KLF8: variants seen among roughly 807,000 people sequenced by gnomAD.
The protein encoded by KLF8 is Krueppel-like factor 8.
In KLF8, 10 loss-of-function variants were observed where a neutral mutation model predicts 18.2. That is an observed-to-expected ratio of 0.55 (90% confidence interval 0.34 to 0.93). The LOEUF (loss-of-function observed/expected upper bound fraction) is 0.93. Among genes scored for constraint, KLF8 ranks in the 40% least tolerant of loss-of-function variants. The pLI is 0.02. For synonymous variants in KLF8, 109 were observed against 97.3 expected, an observed-to-expected ratio of 1.12 and a Z score of -0.71; for missense variants, 264 against 277.9, an observed-to-expected ratio of 0.95 and a Z score of 0.36.
At chrX:56,036,210 A>G in the KLF8 span, among the ~76,000 whole-genome samples, 1 of 111,867 alleles carries the variant, frequency 8.9e-6, no homozygotes, top group African/African-American at 3.2e-5. Flanking sequence ...CATATTTATC[A>G]TCTCATCTAT....
chrX:55,920,072 G>A, the KLF8 span, among the ~76,000 whole-genome samples: 2 of 112,239 alleles, frequency 1.8e-5, no homozygotes, highest in Admixed American at 1.9e-4. Flanking sequence ...AAGACCTGAA[G>A]ATGAATCATA....
chrX:55,980,679 G>A, the KLF8 span, among the ~76,000 whole-genome samples: 1 of 112,021 alleles, frequency 8.9e-6, no homozygotes, highest in Non-Finnish European at 1.9e-5. Context: ...TGGGCTAAGA[G>A]ACATGGTTAA....
the KLF8 span, among the ~76,000 whole-genome samples, chrX:56,171,663 G>A: frequency 9.0e-6 from 1 of 111,435 alleles, no homozygotes; most frequent in Non-Finnish European, 1.9e-5. Flanking sequence ...CAGAATGATG[G>A]TTTCCAGCTT....
chrX:56,124,634 A>T, the KLF8 span, among the ~76,000 whole-genome samples: 8 of 111,741 alleles, frequency 7.2e-5, no homozygotes, highest in African/African-American at 2.6e-4. Context: ...GAGAATTTCC[A>T]GTCTGTATCA....
chrX:56,177,921 T>C, the KLF8 span, among the ~76,000 whole-genome samples: 1 of 112,094 alleles, frequency 8.9e-6, no homozygotes, highest in Non-Finnish European at 1.9e-5. Flanking sequence ...TATAATCTCC[T>C]GGTGTGCTGT....
At chrX:56,075,654 T>C in the KLF8 span, among the ~76,000 whole-genome samples, 2 of 111,815 alleles carry the variant, frequency 1.8e-5, no homozygotes, top group African/African-American at 6.5e-5. Flanking sequence ...CTCACCTTCT[T>C]CCACCAACCC....
At chrX:56,125,266 A>G in the KLF8 span, among the ~76,000 whole-genome samples, 3 of 112,015 alleles carry the variant, frequency 2.7e-5, no homozygotes, top group Non-Finnish European at 5.6e-5. Flanking sequence ...CTCTGAAAAC[A>G]ACTTCTCAGT....
At chrX:56,151,066 G>A in the KLF8 span, among the ~76,000 whole-genome samples, 1 of 111,219 alleles carries the variant, frequency 9.0e-6, no homozygotes, top group Non-Finnish European at 1.9e-5. Flanking sequence ...GCAGGAGGGA[G>A]TATGGTAAAA....
the KLF8 span, among the ~76,000 whole-genome samples, chrX:55,936,092 C>A: frequency 8.9e-6 from 1 of 112,089 alleles, no homozygotes; most frequent in African/African-American, 3.2e-5. Context: ...AGAGAGAATG[C>A]ATCTAATAGT....
At chrX:56,123,257 GAAAGAAAGAAAGAA>G in the KLF8 span, among the ~76,000 whole-genome samples, 56 of 76,553 alleles carry the variant, frequency 7.3e-4, no homozygotes, top group Admixed American at 2.1e-3. Flanking sequence ...GAAAGAAAAA[GAAAGAAAGAAAGAA>G]AAAGAAAGAA....
chrX:56,285,761 A>G lies in KLF8; in HGVS notation c.*1267A>G, dbSNP rs2067261701. 9.0e-6 allele frequency: 1 copy of G among 111,653 alleles called. No individual in the cohort carries two copies. Among genetic ancestry groups the G allele is most frequent in the African/African-American group, 3.3e-5 (1 of 30,732 alleles). 9.2% of individuals were successfully genotyped at this position (111,653 alleles called of 1,213,427 possible). A position where few individuals can be genotyped will look rare whatever the true frequency, so the allele number is the denominator to read the frequency against. On this transcript the variant is annotated 3_prime_UTR_variant, in exon 6 of 6. Coordinates refer to ENST00000468660, the MANE Select transcript of KLF8 (RefSeq NM_007250.5). ...TTTAGCTGCCCAATCAGATTGTTTT[A>G]TAATATTACCTGGGGTACAAAATCC... is the stretch of plus-strand genomic sequence containing the variant.
At chrX:56,125,677 T>C in the KLF8 span, among the ~76,000 whole-genome samples, 2 of 112,512 alleles carry the variant, frequency 1.8e-5, no homozygotes, top group African/African-American at 6.5e-5. Context: ...TCCATTACTC[T>C]AATTGTAAAT....
chrX:56,002,268 C>CT, the KLF8 span, among the ~76,000 whole-genome samples: 14 of 111,361 alleles, frequency 1.3e-4, no homozygotes, highest in Admixed American at 3.8e-4. Flanking sequence ...CACACCTATT[C>CT]TTTTTTTTGA....
the KLF8 span, among the ~76,000 whole-genome samples, chrX:56,038,021 A>G: frequency 2.7e-5 from 3 of 110,440 alleles, no homozygotes; most frequent in Non-Finnish European, 5.7e-5. Context: ...TCTACTCTCT[A>G]TGTTTATGAG....
chrX:56,234,854 G>T (rs2066454021), intron 1 of KLF8, among the ~76,000 whole-genome samples: 4 of 112,115 alleles, frequency 3.6e-5, no homozygotes, highest in African/African-American at 1.3e-4. Flanking sequence ...ATGTCTTCAG[G>T]TAAGCCTGGA....
the KLF8 span, among the ~76,000 whole-genome samples, chrX:56,134,258 T>G: frequency 9.0e-6 from 1 of 111,664 alleles, no homozygotes; most frequent in Non-Finnish European, 1.9e-5. Flanking sequence ...ATTACCTGAC[T>G]TCAAACTATC....
chrX:56,059,659 G>T, the KLF8 span, among the ~76,000 whole-genome samples: 1 of 111,537 alleles, frequency 9.0e-6, no homozygotes, highest in Non-Finnish European at 1.9e-5. Context: ...AGAACAGATG[G>T]TTGTAGACGT....
At chrX:56,123,269 GAA>G in the KLF8 span, among the ~76,000 whole-genome samples, 2 of 39,850 alleles carry the variant, frequency 5.0e-5, no homozygotes, top group Non-Finnish European at 1.1e-4. Flanking sequence ...AAGAAAGAAA[GAA>G]AAAGAAAGAA....
chrX:56,012,450 A>G, the KLF8 span, among the ~76,000 whole-genome samples: 9 of 112,326 alleles, frequency 8.0e-5, no homozygotes, highest in Non-Finnish European at 1.5e-4. Flanking sequence ...ATACCTCAAA[A>G]TAATAAGAAC....
Sources: gnomAD v4.1 joint callset for allele counts (sites outside exome capture counted in the v4.1 genomes callset) on GRCh38, gnomAD v4.1.1 for gene constraint, MANE v1.5 for transcripts, NCBI Gene and HGNC (gene_info 2026-07-23, HGNC 2026-07-21) for gene names.